Variants in MAPK10 observed in about 807,000 individuals in gnomAD.
MAPK10 encodes the protein JNK3 alpha protein kinase.
MAPK10 carries 25 observed loss-of-function variants against 59.3 expected under a neutral mutation model. The ratio of observed to expected loss-of-function variants is 0.42; its 90% CI spans 0.31 to 0.59. MAPK10 has a LOEUF of 0.59. Ranked by LOEUF, MAPK10 falls within the 20% of genes least tolerant of loss-of-function variation. MAPK10 has a pLI of 0.15. For synonymous variants in MAPK10, 190 were observed against 200.5 expected, an observed-to-expected ratio of 0.95 and a Z score of 0.44; for missense variants, 351 against 568.9, an observed-to-expected ratio of 0.62 and a Z score of 3.90.
At chr4:86,444,407 C>T (rs1749768316) in intron 1 of MAPK10, among the ~76,000 whole-genome samples, 1 of 151,976 alleles carries the variant, frequency 6.6e-6, no homozygotes, top group Non-Finnish European at 1.5e-5. Context: ...ACACATTTTA[C>T]AAAAATTAAC....
chr4:86,306,180 C>T (rs148558759), intron 2 of MAPK10, among the ~76,000 whole-genome samples: 5 of 152,188 alleles, frequency 3.3e-5, no homozygotes, highest in African/African-American at 7.2e-5. Context: ...ACCCATTAAA[C>T]GTTAGCAAAA....
At chr4:86,191,678 A>G in intron 3 of MAPK10, 1 of 149,274 alleles carries the variant, frequency 6.7e-6, no homozygotes, top group Admixed American at 6.8e-5. Flanking sequence ...TATCCTGAAT[A>G]CAGCACACCG....
chr4:86,341,059 G>A (rs569966004), intron 2 of MAPK10, among the ~76,000 whole-genome samples: 2 of 152,264 alleles, frequency 1.3e-5, no homozygotes, highest in Non-Finnish European at 2.9e-5. Context: ...GGGAGAGATG[G>A]TGGCTGAGTA....
chr4:86,488,575 C>A (rs1250592234), intron 1 of MAPK10, among the ~76,000 whole-genome samples: 1 of 152,188 alleles, frequency 6.6e-6, no homozygotes, highest in African/African-American at 2.4e-5. Context: ...CACCCACACT[C>A]CTTTCTTCTA....
chr4:86,040,836 A>G (rs1180966065), intron 11 of MAPK10: 1 of 152,154 alleles, frequency 6.6e-6, no homozygotes, highest in East Asian at 1.9e-4. Flanking sequence ...AAAATGTTAA[A>G]ATAAAATAAA....
intron 1 of MAPK10, among the ~76,000 whole-genome samples, chr4:86,489,318 A>G (rs187509664): frequency 1.6e-4 from 25 of 152,194 alleles, no homozygotes; most frequent in African/African-American, 6.0e-4. Context: ...AAGTATCTCA[A>G]AGTAGGCGCT....
At chr4:86,559,049 T>C (rs1171159091) in intron 1 of MAPK10, among the ~76,000 whole-genome samples, 1 of 152,200 alleles carries the variant, frequency 6.6e-6, no homozygotes, top group Middle Eastern at 3.2e-3. Context: ...TTCTCTGCTA[T>C]TGCATTATAC....
chr4:86,401,394 A>G (rs1386792347), intron 1 of MAPK10, among the ~76,000 whole-genome samples: 1 of 152,180 alleles, frequency 6.6e-6, no homozygotes, highest in East Asian at 1.9e-4. Context: ...TTTGCACTTT[A>G]GATTCTTCGC....
Position 86,574,569 on chromosome 4 carries a change from T to C in MAPK10, c.-263+19341A>G, listed in dbSNP as rs183166169. On this transcript the variant is annotated intron_variant, in intron 1 of 4. Transcript: ENST00000502302. ...TCTCCACATCCTCTCCAGCACCTGT[T>C]GTTTCCTGACTTTTTAATGATTGCC... Among the ~76,000 whole-genome samples, 7 of 152,302 alleles carry C rather than the reference T, an allele frequency of 4.6e-5. No homozygotes were observed. In the East Asian group the frequency reaches 5.8e-4, roughly 13 times the overall value.
At chr4:86,271,978 C>T (rs1490216257) in intron 2 of MAPK10, among the ~76,000 whole-genome samples, 1 of 151,864 alleles carries the variant, frequency 6.6e-6, no homozygotes, top group Non-Finnish European at 1.5e-5. Context: ...TCAACCCTTG[C>T]CCCCTTCTCT....
intron 1 of MAPK10, among the ~76,000 whole-genome samples, chr4:86,463,409 T>C (rs1420311443): frequency 2.0e-5 from 3 of 152,242 alleles, no homozygotes; most frequent in Non-Finnish European, 4.4e-5. Context: ...CAGACTTATG[T>C]AGGGCAAGCA....
chr4:86,350,454 T>C (rs1247522504), intron 2 of MAPK10, among the ~76,000 whole-genome samples: 3 of 152,176 alleles, frequency 2.0e-5, no homozygotes, highest in Non-Finnish European at 4.4e-5. Context: ...GACCTCGTGA[T>C]CCGCCCACCT....
intron 4 of MAPK10, among the ~76,000 whole-genome samples, chr4:86,119,244 T>C (rs1322624062): frequency 6.6e-6 from 1 of 152,180 alleles, no homozygotes; most frequent in Non-Finnish European, 1.5e-5. Flanking sequence ...ACAGTGATTT[T>C]TGAGGGCCCT....
intron 2 of MAPK10, among the ~76,000 whole-genome samples, chr4:86,222,202 C>T (rs1472709722): frequency 1.3e-5 from 2 of 152,134 alleles, no homozygotes; most frequent in African/African-American, 4.8e-5. Context: ...TTATTAATTA[C>T]CCAGTCTCAG....
chr4:86,346,383 T>C (rs1342873554), intron 2 of MAPK10, among the ~76,000 whole-genome samples: 5 of 152,188 alleles, frequency 3.3e-5, no homozygotes, highest in Non-Finnish European at 7.4e-5. Context: ...TGGTACCTAA[T>C]ACAAGGTAAA....
At chr4:86,358,009 A>G (rs1735387821) in intron 1 of MAPK10, 3 of 934,242 alleles carry the variant, frequency 3.2e-6, no homozygotes, top group Middle Eastern at 5.5e-4. Flanking sequence ...TGCTCCACAT[A>G]AGAAAATAAG....
At chr4:86,258,884 G>A (rs1418881257) in intron 2 of MAPK10, among the ~76,000 whole-genome samples, 1 of 151,716 alleles carries the variant, frequency 6.6e-6, no homozygotes, top group Non-Finnish European at 1.5e-5. Flanking sequence ...CTCTTACATT[G>A]CTTTATTATA....
intron 1 of MAPK10, among the ~76,000 whole-genome samples, chr4:86,428,885 G>A (rs1747659966): frequency 6.6e-6 from 1 of 152,072 alleles, no homozygotes; most frequent in South Asian, 2.1e-4. Flanking sequence ...AATAGACTGA[G>A]GATCCTTTTT....
At chr4:86,339,200 C>T (rs967911751) in intron 2 of MAPK10, among the ~76,000 whole-genome samples, 3 of 152,140 alleles carry the variant, frequency 2.0e-5, no homozygotes, top group East Asian at 1.9e-4. Context: ...GTACAACTTC[C>T]TGGGGCCTCA....
Sources: gnomAD v4.1 joint callset for allele counts (sites outside exome capture counted in the v4.1 genomes callset) on GRCh38, gnomAD v4.1.1 for gene constraint, MANE v1.5 for transcripts, NCBI Gene and HGNC (gene_info 2026-07-23, HGNC 2026-07-21) for gene names.